Variants in SGSM1 observed in about 807,000 individuals in gnomAD.
SGSM1 encodes RUN and TBC1 domain containing 2.
A neutral mutation model predicts 133.8 loss-of-function variants in SGSM1; 73 were observed. The observed-to-expected ratio is 0.55, with a 90% confidence interval of 0.45 to 0.66. SGSM1 has a LOEUF of 0.66. Ranked by LOEUF, SGSM1 falls within the 30% of genes least tolerant of loss-of-function variation. The probability of loss-of-function intolerance (pLI) is 0.00; values close to 1 mark genes in which losing one functional copy is unlikely to be tolerated. For missense variants in SGSM1, 1,213 were observed against 1,448.1 expected, an observed-to-expected ratio of 0.84 and a Z score of 2.64; for synonymous variants, 563 against 573.0, an observed-to-expected ratio of 0.98 and a Z score of 0.25.
chr22:24,891,376 G>A (rs1297926667), intron 16 of SGSM1, among the ~76,000 whole-genome samples: 2 of 152,142 alleles, frequency 1.3e-5, no homozygotes, highest in African/African-American at 4.8e-5. Context: ...TATAAAGGAT[G>A]GAGGGGAGAT....
chr22:24,855,947 A>G (rs1233619592), intron 8 of SGSM1: 1 of 637,786 alleles, frequency 1.6e-6, no homozygotes, highest in African/African-American at 1.8e-5. Context: ...ACATCCATCT[A>G]TCCAACCATC....
At chr22:24,815,508 C>T (rs5752004) in intron 2 of SGSM1, among the ~76,000 whole-genome samples, 45,500 of 151,928 alleles carry the variant, frequency 0.3, 6,826 homozygotes, top group South Asian at 0.4. Flanking sequence ...TTTGGGAGGC[C>T]GAGGCAGGCG....
At chr22:24,822,165 A>G (rs1928518865) in intron 2 of SGSM1, among the ~76,000 whole-genome samples, 1 of 137,746 alleles carries the variant, frequency 7.3e-6, no homozygotes, top group South Asian at 2.2e-4. Context: ...ATCTCGGCTC[A>G]CTGCAACCTC....
chr22:24,895,168 C>G, intron 17 of SGSM1, 55 bp from the exon 18 acceptor site: 1 of 1,542,264 alleles, frequency 6.5e-7, no homozygotes, highest in Admixed American at 1.9e-5. Context: ...GTCCTTCCTG[C>G]TCTGGGCCAG....
chr22:24,914,424 C>G (rs1263568028), intron 22 of SGSM1, among the ~76,000 whole-genome samples: 1 of 151,804 alleles, frequency 6.6e-6, no homozygotes, highest in Non-Finnish European at 1.5e-5. Flanking sequence ...TGCAATGAGC[C>G]GAGATAGCCC....
chr22:24,898,511 T>C lies in SGSM1; in HGVS notation c.2562T>C (p.Thr854=), dbSNP rs746469457. The C allele has an allele frequency of 1.2e-6, 2 of 1,613,652 alleles. No homozygotes were observed. Among genetic ancestry groups the C allele is most frequent in the East Asian group, 4.5e-5 (2 of 44,872 alleles). The change falls in exon 19 of 25, where the codon ACT becomes ACC. Residue 854 remains threonine, a synonymous_variant. Transcript: ENST00000400358. ...CCCTGGCTTCTCTGGCTGTGACTACTTCTGCCAACGAGGTGTCCCCTGTGT... is the reference window on the plus strand; with the variant it reads ...CCCTGGCTTCTCTGGCTGTGACTACCTCTGCCAACGAGGTGTCCCCTGTGT... ...FPALASLAVT[T]SANEVSPVSS...
chr22:24,818,351 G>A (rs1215803792), intron 2 of SGSM1, among the ~76,000 whole-genome samples: 1 of 151,958 alleles, frequency 6.6e-6, no homozygotes. Context: ...CCACCACTTT[G>A]GGATTAGGAT....
At chr22:24,851,301 A>G (rs545863991) in intron 5 of SGSM1, among the ~76,000 whole-genome samples, 2 of 152,020 alleles carry the variant, frequency 1.3e-5, no homozygotes, top group Middle Eastern at 3.2e-3. Flanking sequence ...CGTCAGGGAT[A>G]TAGTGGTGAT....
intron 2 of SGSM1, among the ~76,000 whole-genome samples, chr22:24,838,926 C>G (rs979691606): frequency 9.8e-5 from 6 of 61,514 alleles, no homozygotes; most frequent in African/African-American, 4.7e-4. Context: ...ATTTATGTTT[C>G]TGCAAAAAAA....
chr22:24,889,361 T>C (rs1198269767), intron 16 of SGSM1, among the ~76,000 whole-genome samples: 1 of 152,164 alleles, frequency 6.6e-6, no homozygotes, highest in Non-Finnish European at 1.5e-5. Context: ...ACGGTTGGTC[T>C]TACAATTTTT....
chr22:24,859,427 G>A (rs144278990), intron 8 of SGSM1, among the ~76,000 whole-genome samples: 1 of 152,266 alleles, frequency 6.6e-6, no homozygotes, highest in African/African-American at 2.4e-5. Context: ...AAGGAACCTG[G>A]GGTCAGGGAC....
At chr22:24,842,103 G>A (rs576490714) in intron 2 of SGSM1, among the ~76,000 whole-genome samples, 2 of 152,220 alleles carry the variant, frequency 1.3e-5, no homozygotes, top group Admixed American at 1.3e-4. Context: ...TGTCATCAGG[G>A]TCTGGGTGCT....
intron 2 of SGSM1, among the ~76,000 whole-genome samples, chr22:24,814,639 C>T (rs908613578): frequency 3.3e-5 from 5 of 152,108 alleles, no homozygotes; most frequent in Non-Finnish European, 2.9e-5. Flanking sequence ...AGGCACACCG[C>T]GTGGCTCACC....
chr22:24,892,225 C>T (rs529899656), intron 16 of SGSM1, among the ~76,000 whole-genome samples: 2 of 152,128 alleles, frequency 1.3e-5, no homozygotes, highest in African/African-American at 4.8e-5. Flanking sequence ...GTGGCTCAGG[C>T]GAGGCCCTTG....
At position 24,898,510 on chromosome 22, in the gene SGSM1, C is replaced by T; in HGVS notation, c.2561C>T (p.Thr854Ile). 6.2e-7 allele frequency: 1 copy of T among 1,613,612 alleles called. No homozygotes were observed. Among genetic ancestry groups the T allele is most frequent in the South Asian group, 1.1e-5 (1 of 91,028 alleles). ...FPALASLAVT[T>I]SANEVSPVSS... ...GCCCTGGCTTCTCTGGCTGTGACTA[C>T]TTCTGCCAACGAGGTGTCCCCTGTG... The change falls in exon 19 of 25, where the codon ACT (threonine) becomes ATT (isoleucine). Residue 854 changes from threonine (T) to isoleucine (I), a missense_variant. Transcript: ENST00000400358.
At chr22:24,809,719 C>G (rs1319806359) in intron 2 of SGSM1, among the ~76,000 whole-genome samples, 1 of 152,146 alleles carries the variant, frequency 6.6e-6, no homozygotes, top group African/African-American at 2.4e-5. Flanking sequence ...GTAGATGGGC[C>G]CTGTCCCTGT....
intron 17 of SGSM1, 137 bp from the exon 18 acceptor site, chr22:24,895,086 G>T (rs1356930669): frequency 1.2e-5 from 10 of 818,160 alleles, no homozygotes; most frequent in Non-Finnish European, 2.0e-5. Flanking sequence ...CTAGGAAACT[G>T]ATGCTCTGAG....
intron 2 of SGSM1, among the ~76,000 whole-genome samples, chr22:24,826,863 C>T (rs150563768): frequency 5.9e-5 from 9 of 152,204 alleles, no homozygotes; most frequent in South Asian, 2.1e-4. Flanking sequence ...ATGGTATCCT[C>T]GCACAGCAGC....
rs114898719 is a variant in SGSM1, at chr22:24,820,267, T to G, written c.63+13783T>G. ...GGGGGAGCCTTCTGGTCAAGGGGTG[T>G]CTGAGGAACCTGGGCAGGGTGATAA... On this transcript the variant is annotated intron_variant, in intron 2 of 24. Coordinates refer to ENST00000400358, the MANE Select transcript of SGSM1 (RefSeq NM_001098497.3). 9.6e-3 allele frequency among the ~76,000 whole-genome samples: 1,465 copies of G among 151,998 alleles called. 25 individuals are homozygous for G. Among genetic ancestry groups the G allele is most frequent in the African/African-American group, 0.033 (1,374 of 41,424 alleles).
Sources: gnomAD v4.1 joint callset for allele counts (sites outside exome capture counted in the v4.1 genomes callset) on GRCh38, gnomAD v4.1.1 for gene constraint, MANE v1.5 for transcripts, NCBI Gene and HGNC (gene_info 2026-07-23, HGNC 2026-07-21) for gene names.